SPTLC3: variants seen among roughly 807,000 people sequenced by gnomAD.
SPTLC3 encodes the protein serine palmitoyltransferase long chain base subunit 3, also known as serine palmitoyltransferase 3.
Under a neutral mutation model 59.3 loss-of-function variants are expected in SPTLC3, and 36 were observed. The observed-to-expected ratio is 0.61, with a 90% CI of 0.47 to 0.80. The LOEUF (loss-of-function observed/expected upper bound fraction) is 0.80, where lower values mean the gene tolerates loss of function less well. SPTLC3 is among the 30% of genes least tolerant of loss of function. The probability of loss-of-function intolerance (pLI) is 0.00; values close to 1 mark genes in which losing one functional copy is unlikely to be tolerated. For synonymous variants in SPTLC3, 257 were observed against 240.8 expected (o/e 1.07, Z -0.62); for missense variants, 625 against 685.1 (o/e 0.91, Z 0.98).
chr20:13,116,298 G>A (rs1224581318), intron 7 of SPTLC3, among the ~76,000 whole-genome samples: 4 of 152,194 alleles, frequency 2.6e-5, no homozygotes, highest in African/African-American at 9.7e-5. Flanking sequence ...CAATGAATTA[G>A]CTCTTGAACT....
chr20:13,077,307 T>C (rs976933466), intron 4 of SPTLC3, among the ~76,000 whole-genome samples: 5 of 142,164 alleles, frequency 3.5e-5, no homozygotes, highest in African/African-American at 1.3e-4. Flanking sequence ...TATAAAGTAA[T>C]AAAGTAAGAA....
chr20:13,158,632 A>T (rs1302062285), intron 10 of SPTLC3, among the ~76,000 whole-genome samples: 1 of 152,188 alleles, frequency 6.6e-6, no homozygotes, highest in Non-Finnish European at 1.5e-5. Context: ...GAGAAAGAAC[A>T]GCCTCTGTTT....
intron 4 of SPTLC3, among the ~76,000 whole-genome samples, chr20:13,085,019 T>C (rs565425531): frequency 6.6e-6 from 1 of 152,252 alleles, no homozygotes; most frequent in African/African-American, 2.4e-5. Flanking sequence ...GATCTAATAT[T>C]TGCTAATGCT....
intron 1 of SPTLC3, among the ~76,000 whole-genome samples, chr20:13,024,706 G>A (rs1279763791): frequency 6.6e-6 from 1 of 152,172 alleles, no homozygotes. Context: ...CTCTGGAGAA[G>A]AGAACTGGCT....
intron 2 of SPTLC3, chr20:13,049,429 A>G (rs755083148): frequency 4.0e-6 from 1 of 250,966 alleles, no homozygotes; most frequent in African/African-American, 2.3e-5. Context: ...ATAATTTTGA[A>G]GATAAAAACA....
intron 2 of SPTLC3, among the ~76,000 whole-genome samples, chr20:13,071,370 G>A (rs531710429): frequency 6.6e-5 from 10 of 152,086 alleles, no homozygotes; most frequent in Middle Eastern, 3.2e-3. Context: ...ATTCCTACGC[G>A]TGATGTTAGC....
chr20:13,031,785 G>T (rs781531065), intron 1 of SPTLC3, among the ~76,000 whole-genome samples: 48 of 152,112 alleles, frequency 3.2e-4, no homozygotes, highest in Non-Finnish European at 5.3e-4. Context: ...TAAGTCCCAT[G>T]GGTACTCTAT....
At chr20:13,066,420 A>G (rs1400033127) in intron 2 of SPTLC3, among the ~76,000 whole-genome samples, 1 of 152,092 alleles carries the variant, frequency 6.6e-6, no homozygotes, top group Non-Finnish European at 1.5e-5. Flanking sequence ...CCATTGGCCT[A>G]TGTGTCTGTT....
chr20:13,098,175 T>C (rs1485195112), intron 6 of SPTLC3, among the ~76,000 whole-genome samples: 1 of 152,172 alleles, frequency 6.6e-6, no homozygotes, highest in Admixed American at 6.5e-5. Context: ...GTTTGCTGAA[T>C]CCTGCTGTAA....
At chr20:13,126,084 C>A (rs73898462) in intron 8 of SPTLC3, among the ~76,000 whole-genome samples, 211 of 152,288 alleles carry the variant, frequency 1.4e-3, no homozygotes, top group African/African-American at 4.6e-3. Context: ...CTCATTGGAA[C>A]CTTCTCTAAC....
intron 4 of SPTLC3, among the ~76,000 whole-genome samples, chr20:13,082,601 A>T (rs1988877651): frequency 6.6e-6 from 1 of 152,242 alleles, no homozygotes; most frequent in Non-Finnish European, 1.5e-5. Flanking sequence ...AGAGTTGAAT[A>T]GTTGCAACAA....
chr20:13,037,786 A>C (rs1411742869), intron 1 of SPTLC3, among the ~76,000 whole-genome samples: 1 of 152,192 alleles, frequency 6.6e-6, no homozygotes, highest in Non-Finnish European at 1.5e-5. Context: ...CACTAGCTTA[A>C]CCATGAGTTT....
chr20:13,034,351 A>C (rs1316191363), intron 1 of SPTLC3, among the ~76,000 whole-genome samples: 1 of 152,186 alleles, frequency 6.6e-6, no homozygotes, highest in Non-Finnish European at 1.5e-5. Flanking sequence ...GGACACAGTG[A>C]GGAATAAGAA....
intron 1 of SPTLC3, among the ~76,000 whole-genome samples, chr20:13,027,229 A>C (rs966466515): frequency 6.6e-6 from 1 of 152,218 alleles, no homozygotes; most frequent in East Asian, 1.9e-4. Flanking sequence ...AGTGATTTTT[A>C]TAAAACACGG....
intron 1 of SPTLC3, among the ~76,000 whole-genome samples, chr20:13,032,390 C>A (rs1157423806): frequency 3.3e-5 from 5 of 152,168 alleles, no homozygotes; most frequent in Admixed American, 2.0e-4. Context: ...AGGGGAACAT[C>A]CCAATGAAAG....
chr20:13,066,983 A>T (rs1483184566), intron 2 of SPTLC3, among the ~76,000 whole-genome samples: 1 of 133,236 alleles, frequency 7.5e-6, no homozygotes, highest in East Asian at 2.3e-4. Context: ...TATTTTTTGA[A>T]CTGTTTATCC....
At chr20:13,033,811 G>A (rs1986608937) in intron 1 of SPTLC3, among the ~76,000 whole-genome samples, 1 of 152,166 alleles carries the variant, frequency 6.6e-6, no homozygotes. Context: ...ACAAGGTGGT[G>A]AGTGTAATGA....
chr20:13,018,178 A>G (rs1444047211), intron 1 of SPTLC3, among the ~76,000 whole-genome samples: 1 of 152,236 alleles, frequency 6.6e-6, no homozygotes, highest in Non-Finnish European at 1.5e-5. Context: ...GAGCAAATAA[A>G]TAATTGCTGT....
intron 3 of SPTLC3, among the ~76,000 whole-genome samples, chr20:13,072,842 G>A (rs1988496289): frequency 6.6e-6 from 1 of 152,200 alleles, no homozygotes; most frequent in South Asian, 2.1e-4. Context: ...CAATCCATGG[G>A]TCAAGATGTC....
Sources: allele counts gnomAD v4.1 joint callset (sites outside exome capture counted in the v4.1 genomes callset), GRCh38; gene constraint gnomAD v4.1.1; transcripts MANE v1.5; gene names NCBI Gene and HGNC (gene_info 2026-07-23, HGNC 2026-07-21).